The following ULK4 variants were observed in gnomAD, a reference collection of about 807,000 sequenced individuals.
ULK4 encodes the protein inactive serine/threonine-protein kinase ULK4.
ULK4 carries 133 observed loss-of-function variants against 160.6 expected under a neutral mutation model. The ratio of observed to expected loss-of-function variants is 0.83; its 90% confidence interval spans 0.72 to 0.96. The LOEUF (loss-of-function observed/expected upper bound fraction) is 0.96, where lower values mean the gene tolerates loss of function less well. Ranked by LOEUF, ULK4 falls within the 40% of genes least tolerant of loss-of-function variation. ULK4 has a pLI of 0.00. For missense variants in ULK4, 1,580 were observed against 1,499.5 expected (o/e 1.05, Z -0.89); for synonymous variants, 534 against 539.8 (o/e 0.99, Z 0.15).
intron 17 of ULK4, 102 bp downstream of exon 17, chr3:41,883,772 G>GA (rs934949629): frequency 1.6e-5 from 1 of 62,844 alleles, no homozygotes; most frequent in African/African-American, 3.4e-5. Flanking sequence ...ATCCCACAGA[G>GA]AAAAAACAAG....
rs141821870 is a variant in ULK4 at position 41,401,474 on chromosome 3, G to C, written c.3493-3210C>G. Among the ~76,000 whole-genome samples the C allele has an allele frequency of 1.6e-3, 240 of 152,244 alleles. 2 individuals carry two copies. Among genetic ancestry groups the C allele is most frequent in the Admixed American group, 6.9e-3 (105 of 15,278 alleles). ...GAGGAACTTTGTCTTGTAAGAATTA[G>C]AACCAAGGGGCTCCATAATCATCTG... On this transcript the variant is annotated intron_variant, in intron 34 of 36. Coordinates refer to ENST00000301831, the MANE Select transcript of ULK4 (RefSeq NM_017886.4).
intron 34 of ULK4, among the ~76,000 whole-genome samples, chr3:41,445,144 T>C (rs1002393963): frequency 1.3e-4 from 20 of 151,980 alleles, no homozygotes; most frequent in Admixed American, 5.2e-4. Context: ...AAGGATAAAA[T>C]ACTTAGGAAT....
chr3:41,267,484 G>A (rs760856103), intron 35 of ULK4, among the ~76,000 whole-genome samples: 1 of 152,168 alleles, frequency 6.6e-6, no homozygotes, highest in Non-Finnish European at 1.5e-5. Flanking sequence ...ACGTGTGCAT[G>A]TGTCTCTATA....
At chr3:41,588,825 G>A (rs1180365808) in intron 31 of ULK4, among the ~76,000 whole-genome samples, 1 of 152,148 alleles carries the variant, frequency 6.6e-6, no homozygotes, top group Admixed American at 6.5e-5. Context: ...TTAAGCCATG[G>A]TAATAAAGAA....
rs149725139 is a variant in ULK4 at position 41,666,846 on chromosome 3, T to C, written c.2979-3147A>G. Among the ~76,000 whole-genome samples the C allele has an allele frequency of 2.1e-3, 319 of 152,060 alleles. 1 individual carries two copies. The highest frequency in any genetic ancestry group is 6.8e-3 in the Middle Eastern group (2 of 294). Reference sequence around the variant, plus strand: ...GACTTGAAAGATACAGAATCTAAATTTAAAAAGAAAACATTGGCCAGGGAT... The same window carrying C: ...GACTTGAAAGATACAGAATCTAAATCTAAAAAGAAAACATTGGCCAGGGAT... On this transcript the variant is annotated intron_variant, in intron 29 of 36. Coordinates refer to ENST00000301831, the MANE Select transcript of ULK4 (RefSeq NM_017886.4).
At chr3:41,513,419 T>C (rs941375326) in intron 32 of ULK4, among the ~76,000 whole-genome samples, 5 of 152,172 alleles carry the variant, frequency 3.3e-5, no homozygotes, top group Non-Finnish European at 7.4e-5. Context: ...AGGCGGATCA[T>C]GAGGTCAAGA....
intron 34 of ULK4, among the ~76,000 whole-genome samples, chr3:41,407,124 G>A (rs1421245559): frequency 2.0e-5 from 3 of 152,138 alleles, no homozygotes; most frequent in Admixed American, 1.3e-4. Context: ...AAAGCAGGCC[G>A]AGGCTCAATC....
At chr3:41,643,031 T>G (rs181260789) in intron 30 of ULK4, among the ~76,000 whole-genome samples, 9 of 152,296 alleles carry the variant, frequency 5.9e-5, no homozygotes, top group Admixed American at 2.0e-4. Flanking sequence ...CAGTTTTTGA[T>G]GGGGTTGTTT....
At chr3:41,814,004 C>T (rs1323006177) in intron 19 of ULK4, among the ~76,000 whole-genome samples, 5 of 152,246 alleles carry the variant, frequency 3.3e-5, no homozygotes, top group Non-Finnish European at 5.9e-5. Flanking sequence ...TCAGCCAGCG[C>T]TGAGTGGGGT....
rs73828020 is a variant in ULK4 at position 41,419,356 on chromosome 3, T to C, written c.3493-21092A>G. ...GGATAACATGGAGCCTGCAAAAAGG[T>C]CAATTAGATCACCATCCTATGGCTC... On this transcript the variant is annotated intron_variant, in intron 34 of 36. Coordinates refer to ENST00000301831, the MANE Select transcript of ULK4 (RefSeq NM_017886.4). Among the ~76,000 whole-genome samples, 445 of 152,032 alleles carry C rather than the reference T, an allele frequency of 2.9e-3. 2 individuals are homozygous for C. The highest frequency in any genetic ancestry group is 0.01 in the African/African-American group (428 of 41,472).
rs953652253 is a variant in ULK4 at position 41,259,954 on chromosome 3, A to G, written c.3679-10380T>C. 5 of 152,232 alleles carry G rather than the reference A, an allele frequency of 3.3e-5. No individual in the cohort carries two copies. The East Asian group carries it at 5.8e-4, about 18-fold the overall frequency. The allele number at this position is 152,232 out of a possible 1,614,324, so 9.4% of individuals were successfully genotyped here. A position where few individuals can be genotyped will look rare whatever the true frequency, so the allele number is the denominator to read the frequency against. ...GCCCAGGTGCTTCTTGGTGCTTGTT[A>G]TTACAGACACACACTTCACACAGGG... On this transcript the variant is annotated intron_variant, in intron 35 of 36. Transcript: ENST00000301831.
At chr3:41,565,491 A>G (rs2087752965) in intron 32 of ULK4, among the ~76,000 whole-genome samples, 1 of 152,136 alleles carries the variant, frequency 6.6e-6, no homozygotes. Context: ...TTAAGATTAG[A>G]TGAGGTCATT....
chr3:41,605,806 C>T (rs1052533679), intron 31 of ULK4, among the ~76,000 whole-genome samples: 1 of 151,958 alleles, frequency 6.6e-6, no homozygotes, highest in Non-Finnish European at 1.5e-5. Context: ...AATACACATT[C>T]TTTACATATA....
intron 18 of ULK4, among the ~76,000 whole-genome samples, chr3:41,823,732 T>A (rs1161615733): frequency 6.6e-6 from 1 of 152,226 alleles, no homozygotes; most frequent in Non-Finnish European, 1.5e-5. Context: ...AAAGCCCTCA[T>A]GTCCTGAAAA....
At chr3:41,940,831 A>C (rs1699928064) in intron 2 of ULK4, among the ~76,000 whole-genome samples, 1 of 152,196 alleles carries the variant, frequency 6.6e-6, no homozygotes, top group Non-Finnish European at 1.5e-5. Context: ...GGATCATAAG[A>C]ATACTTGTGC....
At chr3:41,622,106 A>C (rs1044644825) in intron 30 of ULK4, among the ~76,000 whole-genome samples, 1 of 152,224 alleles carries the variant, frequency 6.6e-6, no homozygotes, top group African/African-American at 2.4e-5. Flanking sequence ...AAAAGTCAGG[A>C]AACACCAGAT....
In ULK4 at chr3:41,527,209, G is replaced by GCTCGTTTCTCCTTCACAC. The variant is rs567861557; in HGVS notation, c.3226+38798_3226+38815dup. The stretch of plus-strand genomic sequence containing the variant: ...TGCCACACACAGGACATGCTCTACA[G>GCTCGTTTCTCCTTCACAC]CTCGTTTCTCCTTCACACCTCAAGA... On this transcript the variant is annotated intron_variant, in intron 32 of 36. Transcript: ENST00000301831. 5.3e-5 allele frequency among the ~76,000 whole-genome samples: 8 copies of GCTCGTTTCTCCTTCACAC among 152,336 alleles called. No homozygotes were observed. In the South Asian group the frequency reaches 8.3e-4, roughly 16 times the overall value.
At chr3:41,941,219 G>A (rs1281742365) in intron 2 of ULK4, among the ~76,000 whole-genome samples, 1 of 149,222 alleles carries the variant, frequency 6.7e-6, no homozygotes, top group Non-Finnish European at 1.5e-5. Flanking sequence ...TTGATTTTTT[G>A]TAGAGACAAG....
chr3:41,831,310 A>G lies in ULK4; in HGVS notation c.1764+4554T>C, dbSNP rs369576367. On this transcript the variant is annotated intron_variant, in intron 18 of 36. Coordinates refer to ENST00000301831, the MANE Select transcript of ULK4 (RefSeq NM_017886.4). ...AAAAGTACTGGGATGGAAATGTTCT[A>G]TCACATAAAAAGAAGAGGGAGCAGG... 1.9e-4 allele frequency among the ~76,000 whole-genome samples: 29 copies of G among 151,970 alleles called. No individual in the cohort carries two copies. The East Asian group carries it at 4.4e-3, about 23-fold the overall frequency.
Sources: gnomAD v4.1 joint callset for allele counts (sites outside exome capture counted in the v4.1 genomes callset) on GRCh38, gnomAD v4.1.1 for gene constraint, MANE v1.5 for transcripts, NCBI Gene and HGNC (gene_info 2026-07-23, HGNC 2026-07-21) for gene names.